Variants in DPYD observed in about 807,000 individuals in gnomAD.
DPYD encodes dihydropyrimidine dehydrogenase, also known as dihydropyrimidine dehydrogenase [NADP(+)].
DPYD carries 109 observed loss-of-function variants against 116.2 expected under a neutral mutation model. The observed-to-expected ratio is 0.94, with a 90% CI of 0.80 to 1.10. DPYD has a LOEUF of 1.10. Ranked by LOEUF, DPYD falls within the 50% of genes least tolerant of loss-of-function variation. The pLI is 0.00. For synonymous variants in DPYD, 440 were observed against 432.0 expected, an observed-to-expected ratio of 1.02 and a Z score of -0.23; for missense variants, 1,302 against 1,254.5, an observed-to-expected ratio of 1.04 and a Z score of -0.57.
chr1:97,230,188 G>A (rs1033403803), intron 19 of DPYD, among the ~76,000 whole-genome samples: 9 of 152,192 alleles, frequency 5.9e-5, no homozygotes, highest in African/African-American at 1.9e-4. Context: ...GCATATGTAT[G>A]TTCACTGCAG....
intron 8 of DPYD, among the ~76,000 whole-genome samples, chr1:97,668,704 C>T (rs972717230): frequency 2.0e-5 from 3 of 151,878 alleles, no homozygotes; most frequent in South Asian, 4.2e-4. Context: ...AAAAGAAGGG[C>T]TATTTTTTCC....
chr1:97,090,002 T>C (rs1332931163), intron 21 of DPYD, among the ~76,000 whole-genome samples: 1 of 152,124 alleles, frequency 6.6e-6, no homozygotes, highest in African/African-American at 2.4e-5. Context: ...CCCATTGCTT[T>C]TTTATATTCT....
chr1:97,527,065 GC>G (rs1279758189), intron 12 of DPYD, among the ~76,000 whole-genome samples: 3 of 151,586 alleles, frequency 2.0e-5, no homozygotes, highest in Non-Finnish European at 4.4e-5. Flanking sequence ...ATATCAAACT[GC>G]CCCCAACCTT....
At chr1:97,891,461 C>T (rs928844506) in intron 1 of DPYD, among the ~76,000 whole-genome samples, 1 of 151,810 alleles carries the variant, frequency 6.6e-6, no homozygotes, top group Non-Finnish European at 1.5e-5. Context: ...ACTAATTTTA[C>T]CTAGTTTAAG....
chr1:97,358,980 T>G (rs756906398), intron 16 of DPYD, among the ~76,000 whole-genome samples: 1 of 152,054 alleles, frequency 6.6e-6, no homozygotes, highest in Non-Finnish European at 1.5e-5. Flanking sequence ...TTGACAGAAG[T>G]AGGCTTCAGA....
intron 18 of DPYD, among the ~76,000 whole-genome samples, chr1:97,265,185 T>C (rs985680106): frequency 1.9e-4 from 29 of 152,172 alleles, no homozygotes; most frequent in Non-Finnish European, 2.8e-4. Flanking sequence ...GTCCTTTGCA[T>C]GACCTTTTCC....
At chr1:97,513,179 AAT>A (rs140868775) in intron 13 of DPYD, among the ~76,000 whole-genome samples, 4 of 150,166 alleles carry the variant, frequency 2.7e-5, no homozygotes, top group East Asian at 2.0e-4. Context: ...AAGAGTATAA[AAT>A]ATATATATAT....
intron 14 of DPYD, among the ~76,000 whole-genome samples, chr1:97,438,037 A>G (rs532432006): frequency 6.6e-5 from 10 of 152,062 alleles, no homozygotes; most frequent in Non-Finnish European, 1.0e-4. Context: ...AGTTGTTCAT[A>G]TAAATAATTT....
At position 97,778,851 on chromosome 1, in the gene DPYD, G is replaced by A. The variant is rs192237721; in HGVS notation, c.234-38372C>T. ...ATTTTCCTCAAAAAAAATCTACAGG[G>A]AATTTTCATACAGAGCTCAAACTAG... is the stretch of plus-strand genomic sequence containing the variant. On this transcript the variant is annotated intron_variant, in intron 3 of 22. Coordinates refer to ENST00000370192, the MANE Select transcript of DPYD (RefSeq NM_000110.4). Among the ~76,000 whole-genome samples, 169 of 152,164 alleles carry A rather than the reference G, an allele frequency of 1.1e-3. 2 individuals are homozygous for A. Among genetic ancestry groups the A allele is most frequent in the Non-Finnish European group, 1.8e-3 (124 of 67,972 alleles).
intron 21 of DPYD, 48 bp downstream of exon 21, chr1:97,098,441 A>C: frequency 6.3e-7 from 1 of 1,588,042 alleles, no homozygotes; most frequent in Non-Finnish European, 8.6e-7. Flanking sequence ...ATATTTGTAT[A>C]TTTAACCAGT....
At chr1:97,761,081 T>C (rs899876968) in intron 3 of DPYD, among the ~76,000 whole-genome samples, 1 of 152,110 alleles carries the variant, frequency 6.6e-6, no homozygotes, top group Non-Finnish European at 1.5e-5. Context: ...CAATTATCAA[T>C]GGGACTACTC....
chr1:97,099,603 G>C (rs1557862102), intron 20 of DPYD, among the ~76,000 whole-genome samples: 1 of 152,026 alleles, frequency 6.6e-6, no homozygotes, highest in South Asian at 2.1e-4. Context: ...GAATTGGTAG[G>C]TCTCTTTCAT....
At position 97,388,994 on chromosome 1, in the gene DPYD, A is replaced by C. The variant is rs1165783316; in HGVS notation, c.1906-6533T>G. 2.0e-5 allele frequency among the ~76,000 whole-genome samples: 3 copies of C among 152,114 alleles called. No homozygotes were observed. The East Asian group carries it at 5.8e-4, about 29-fold the overall frequency. On this transcript the variant is annotated intron_variant, in intron 14 of 22. Coordinates refer to ENST00000370192, the MANE Select transcript of DPYD (RefSeq NM_000110.4). ...GAGAGAAACAAATAAGTATGGATGCATTTAGGTTTCTAAATTCGATGTGGA... is the reference window on the plus strand; with the variant it reads ...GAGAGAAACAAATAAGTATGGATGCCTTTAGGTTTCTAAATTCGATGTGGA...
chr1:97,173,518 G>A (rs181934369), intron 20 of DPYD, among the ~76,000 whole-genome samples: 54 of 148,316 alleles, frequency 3.6e-4, no homozygotes, highest in Non-Finnish European at 7.4e-4. Context: ...CACACAAAAG[G>A]TATATACAAT....
At chr1:97,498,449 T>TA (rs2101923145) in intron 13 of DPYD, among the ~76,000 whole-genome samples, 1 of 151,342 alleles carries the variant, frequency 6.6e-6, no homozygotes, top group East Asian at 2.0e-4. Context: ...GTCTTTACAC[T>TA]AAATATACAC....
chr1:97,313,497 C>CTGTGTGTGTGTG lies in DPYD; in HGVS notation c.2059-7212_2059-7201dup, dbSNP rs58100703. 1.2e-3 allele frequency among the ~76,000 whole-genome samples: 179 copies of CTGTGTGTGTGTG among 148,726 alleles called. 1 individual carries two copies. Among genetic ancestry groups the CTGTGTGTGTGTG allele is most frequent in the African/African-American group, 3.6e-3 (146 of 40,544 alleles). ...ATACCTGGAATGTGTACATGTGTGCCTGTGTGTGTGTGTGTGTGTGTGTGT... is the reference window on the plus strand; with the variant it reads ...ATACCTGGAATGTGTACATGTGTGCCTGTGTGTGTGTGTGTGTGTGTGTGTGTGTGTGTGTGT... On this transcript the variant is annotated intron_variant, in intron 16 of 22. Transcript: ENST00000370192.
intron 19 of DPYD, among the ~76,000 whole-genome samples, chr1:97,200,980 A>G (rs1422372556): frequency 6.6e-6 from 1 of 152,178 alleles, no homozygotes; most frequent in African/African-American, 2.4e-5. Flanking sequence ...GCAGTGCCCA[A>G]AATCAAGATT....
chr1:97,707,305 T>A (rs1192341103), intron 5 of DPYD, among the ~76,000 whole-genome samples: 1 of 152,016 alleles, frequency 6.6e-6, no homozygotes, highest in Non-Finnish European at 1.5e-5. Flanking sequence ...ATATTTTTTT[T>A]ATTATACTTT....
At chr1:97,470,679 T>G (rs1677597385) in intron 13 of DPYD, among the ~76,000 whole-genome samples, 1 of 152,166 alleles carries the variant, frequency 6.6e-6, no homozygotes. Context: ...AGTGATACAG[T>G]TAGACCTACA....
Sources: gnomAD v4.1 joint callset for allele counts (sites outside exome capture counted in the v4.1 genomes callset) on GRCh38, gnomAD v4.1.1 for gene constraint, MANE v1.5 for transcripts, NCBI Gene and HGNC (gene_info 2026-07-23, HGNC 2026-07-21) for gene names.